The following MLLT10 variants were observed in gnomAD, a reference collection of about 807,000 sequenced individuals.
MLLT10 encodes protein AF-10.
MLLT10 carries 30 observed loss-of-function variants against 129.1 expected under a neutral mutation model. That is an observed-to-expected ratio of 0.23 (90% CI 0.17 to 0.32). The LOEUF (loss-of-function observed/expected upper bound fraction) is 0.32, where lower values mean the gene tolerates loss of function less well. Among genes scored for constraint, MLLT10 ranks in the 10% least tolerant of loss-of-function variants. The probability of loss-of-function intolerance (pLI) is 1.00; values close to 1 mark genes in which losing one functional copy is unlikely to be tolerated. For synonymous variants in MLLT10, 490 were observed against 446.4 expected, an observed-to-expected ratio of 1.10 and a Z score of -1.23; for missense variants, 1,119 against 1,268.3, an observed-to-expected ratio of 0.88 and a Z score of 1.79.
At chr10:21,648,187 T>C (rs2048686709) in intron 8 of MLLT10, among the ~76,000 whole-genome samples, 2 of 152,240 alleles carry the variant, frequency 1.3e-5, no homozygotes, top group Admixed American at 6.5e-5. Context: ...AATCAACATA[T>C]GTTTTTAGTG....
chr10:21,603,104 A>G (rs1589177473), intron 5 of MLLT10, among the ~76,000 whole-genome samples: 1 of 147,000 alleles, frequency 6.8e-6, no homozygotes, highest in East Asian at 2.1e-4. Context: ...CCAGGCTGAA[A>G]TGCAGTGGTG....
At chr10:21,641,322 A>G (rs1230443378) in intron 8 of MLLT10, among the ~76,000 whole-genome samples, 1 of 152,236 alleles carries the variant, frequency 6.6e-6, no homozygotes, top group Non-Finnish European at 1.5e-5. Flanking sequence ...CTTACTACTA[A>G]GTAAATATCA....
rs1259227590 is a variant in MLLT10, at chr10:21,593,925, TTAAAAAA to T, written c.296-1405_296-1399del. On this transcript the variant is annotated intron_variant, in intron 4 of 22. Coordinates refer to ENST00000307729, the MANE Select transcript of MLLT10 (RefSeq NM_001195626.3). ...TGGGCGACAGACCAAGGCTTTGTCT[TTAAAAAA>T]AAAAAAAAAAAAAAAAAAAAAAAAA... is the stretch of plus-strand genomic sequence containing the variant. Among the ~76,000 whole-genome samples, 5 of 71,980 alleles carry T rather than the reference TTAAAAAA, an allele frequency of 6.9e-5. No homozygotes were observed. The East Asian group carries it at 1.4e-3, about 20-fold the overall frequency. 47.2% of individuals were successfully genotyped at this position (71,980 alleles called of 152,430 possible). A position where few individuals can be genotyped will look rare whatever the true frequency, so the allele number is the denominator to read the frequency against.
intron 13 of MLLT10, among the ~76,000 whole-genome samples, chr10:21,712,093 C>A (rs79408997): frequency 2.0e-5 from 3 of 151,990 alleles, no homozygotes; most frequent in Non-Finnish European, 4.4e-5. Context: ...AAAAAAGATC[C>A]CGACGCCTTA....
intron 21 of MLLT10, among the ~76,000 whole-genome samples, chr10:21,739,061 C>T (rs547408291): frequency 3.3e-5 from 5 of 152,288 alleles, no homozygotes; most frequent in African/African-American, 1.2e-4. Context: ...CCCCACCCAT[C>T]GTTTTCCTCA....
At chr10:21,626,287 AGGGCAG>A in intron 8 of MLLT10, 1 of 1,316,602 alleles carries the variant, frequency 7.6e-7, no homozygotes, top group Non-Finnish European at 1.1e-6. Flanking sequence ...CTATCAATCC[AGGGCAG>A]AGCAGGGGCT....
intron 8 of MLLT10, among the ~76,000 whole-genome samples, chr10:21,650,689 AGTG>A (rs1294514035): frequency 6.6e-6 from 1 of 152,142 alleles, no homozygotes; most frequent in Non-Finnish European, 1.5e-5. Context: ...TTCATAATGT[AGTG>A]ATTCAAACAA....
rs1159429206 is a variant in MLLT10, at chr10:21,620,160, C to T, written c.699+2953C>T. ...GGTCAGGCTGGTCTCGAACTCCTGA[C>T]CTCGTGATCCACCTGCCTCGGCCTC... On this transcript the variant is annotated intron_variant, in intron 8 of 22. Coordinates refer to ENST00000307729, the MANE Select transcript of MLLT10 (RefSeq NM_001195626.3). Among the ~76,000 whole-genome samples, 3 of 152,064 alleles carry T rather than the reference C, an allele frequency of 2.0e-5. No homozygotes were observed. The East Asian group carries it at 5.8e-4, about 29-fold the overall frequency.
At chr10:21,685,094 T>C (rs2053166577) in intron 13 of MLLT10, among the ~76,000 whole-genome samples, 1 of 152,206 alleles carries the variant, frequency 6.6e-6, no homozygotes, top group African/African-American at 2.4e-5. Flanking sequence ...TGATTTCTAC[T>C]CTTTCTCTGG....
At position 21,627,278 on chromosome 10, in the gene MLLT10, T is replaced by G. The variant is rs527820219; in HGVS notation, c.699+10071T>G. On this transcript the variant is annotated intron_variant, in intron 8 of 22. Coordinates refer to ENST00000307729, the MANE Select transcript of MLLT10 (RefSeq NM_001195626.3). ...GTAAATTACAAATAACAATGCCTCT[T>G]TAGCCCAAGTACTAAAGTGTATAGT... Among the ~76,000 whole-genome samples the G allele has an allele frequency of 3.9e-5, 6 of 152,272 alleles. 2 individuals carry two copies. Among genetic ancestry groups the G allele is most frequent in the South Asian group, 2.1e-4 (1 of 4,816 alleles).
intron 5 of MLLT10, among the ~76,000 whole-genome samples, chr10:21,601,846 TTTTTTG>T (rs1266265013): frequency 3.9e-5 from 6 of 152,162 alleles, no homozygotes; most frequent in South Asian, 2.1e-4. Context: ...CCTATCTCAG[TTTTTTG>T]TTTTTGTTTT....
chr10:21,639,958 G>A (rs1319900713), intron 8 of MLLT10, among the ~76,000 whole-genome samples: 1 of 151,646 alleles, frequency 6.6e-6, no homozygotes, highest in Non-Finnish European at 1.5e-5. Flanking sequence ...TGTTTTCTGA[G>A]GCCTAAAGCA....
chr10:21,569,627 G>A (rs1215529335), intron 3 of MLLT10, among the ~76,000 whole-genome samples: 1 of 151,944 alleles, frequency 6.6e-6, no homozygotes, highest in East Asian at 1.9e-4. Flanking sequence ...CACCATGTTG[G>A]CGAGGCTGGA....
intron 5 of MLLT10, among the ~76,000 whole-genome samples, chr10:21,599,818 C>G (rs1451568935): frequency 6.6e-6 from 1 of 152,132 alleles, no homozygotes; most frequent in Non-Finnish European, 1.5e-5. Context: ...TCTGCCTGCT[C>G]TGGCCTCCCA....
intron 5 of MLLT10, among the ~76,000 whole-genome samples, chr10:21,602,300 T>G (rs372759887): frequency 7.9e-5 from 12 of 152,164 alleles, no homozygotes; most frequent in African/African-American, 2.9e-4. Context: ...GATACACAGT[T>G]TGCCTCTTTC....
At chr10:21,540,408 T>C (rs141936490) in intron 3 of MLLT10, among the ~76,000 whole-genome samples, 130 of 150,548 alleles carry the variant, frequency 8.6e-4, no homozygotes, top group African/African-American at 2.8e-3. Context: ...AAAAAAAAAT[T>C]AGTTGGGCGT....
chr10:21,549,054 C>G (rs1022128347), intron 3 of MLLT10, among the ~76,000 whole-genome samples: 8 of 150,720 alleles, frequency 5.3e-5, no homozygotes, highest in Non-Finnish European at 1.2e-4. Context: ...TGCCTTTGCT[C>G]TCTGTCTTTT....
At chr10:21,634,735 T>C (rs2131275831) in intron 8 of MLLT10, among the ~76,000 whole-genome samples, 1 of 152,340 alleles carries the variant, frequency 6.6e-6, no homozygotes, top group East Asian at 1.9e-4. Context: ...CATCCATCCA[T>C]TCACTAATCT....
intron 14 of MLLT10, among the ~76,000 whole-genome samples, chr10:21,721,861 A>G (rs180818232): frequency 2.1e-4 from 32 of 152,200 alleles, no homozygotes; most frequent in South Asian, 8.3e-4. Flanking sequence ...CTTTCAGTCT[A>G]TCTTGTAAAA....
Sources: allele counts gnomAD v4.1 joint callset (sites outside exome capture counted in the v4.1 genomes callset), GRCh38; gene constraint gnomAD v4.1.1; transcripts MANE v1.5; gene names NCBI Gene and HGNC (gene_info 2026-07-23, HGNC 2026-07-21).